ANKRD44: variants seen among roughly 807,000 people sequenced by gnomAD.
The protein encoded by ANKRD44 is serine/threonine-protein phosphatase 6 regulatory ankyrin repeat subunit B.
A neutral mutation model predicts 116.0 loss-of-function variants in ANKRD44; 35 were observed. The ratio of observed to expected loss-of-function variants is 0.30; its 90% CI spans 0.23 to 0.40. The LOEUF (loss-of-function observed/expected upper bound fraction) is 0.40, where lower values mean the gene tolerates loss of function less well. Ranked by LOEUF, ANKRD44 falls within the 10% of genes least tolerant of loss-of-function variation. The pLI is 1.00. For missense variants in ANKRD44, 1,014 were observed against 1,242.6 expected, an observed-to-expected ratio of 0.82 and a Z score of 2.77; for synonymous variants, 435 against 461.8, an observed-to-expected ratio of 0.94 and a Z score of 0.74.
At chr2:197,054,433 C>G (rs2077167059) in intron 16 of ANKRD44, among the ~76,000 whole-genome samples, 1 of 152,044 alleles carries the variant, frequency 6.6e-6, no homozygotes, top group Non-Finnish European at 1.5e-5. Flanking sequence ...AGAGCCATAC[C>G]ATACATTTAC....
At chr2:197,187,726 A>C (rs1031743294) in intron 1 of ANKRD44, among the ~76,000 whole-genome samples, 9 of 151,746 alleles carry the variant, frequency 5.9e-5, no homozygotes, top group African/African-American at 2.2e-4. Context: ...ACAGGAGGAA[A>C]GGCCATGTGA....
intron 2 of ANKRD44, among the ~76,000 whole-genome samples, chr2:197,170,902 G>A (rs984154463): frequency 2.0e-5 from 3 of 152,190 alleles, no homozygotes; most frequent in African/African-American, 7.2e-5. Context: ...GGGGCCGGGG[G>A]TGGTGGAGAT....
intron 1 of ANKRD44, among the ~76,000 whole-genome samples, chr2:197,210,814 T>C (rs1030902523): frequency 2.0e-5 from 3 of 152,126 alleles, no homozygotes; most frequent in Non-Finnish European, 2.9e-5. Context: ...CTGAGCACAG[T>C]GAATGAGAGG....
intron 16 of ANKRD44, among the ~76,000 whole-genome samples, chr2:197,060,467 T>G (rs2077287099): frequency 6.6e-6 from 1 of 152,236 alleles, no homozygotes; most frequent in African/African-American, 2.4e-5. Flanking sequence ...GTGTACATTG[T>G]GAAATGATTA....
downstream of ANKRD44, among the ~76,000 whole-genome samples, chr2:196,984,930 T>A (rs977169958): frequency 1.9e-4 from 29 of 152,320 alleles, no homozygotes; most frequent in Non-Finnish European, 3.1e-4. Flanking sequence ...TGAGTATAGA[T>A]TGGACTTAGT....
At chr2:197,043,820 A>T (rs985759323) in intron 16 of ANKRD44, among the ~76,000 whole-genome samples, 1 of 151,760 alleles carries the variant, frequency 6.6e-6, no homozygotes, top group African/African-American at 2.4e-5. Flanking sequence ...AATTTAGTGT[A>T]TGGATTAGGT....
chr2:197,054,445 G>A lies in ANKRD44; in HGVS notation c.1650+24258C>T, dbSNP rs376029284. On this transcript the variant is annotated intron_variant, in intron 16 of 27. Coordinates refer to ENST00000282272, the MANE Select transcript of ANKRD44 (RefSeq NM_001195144.2). ...GGCAGAGCCATACCATACATTTACAGATGTCACAATTGAAAGGAAACATGT... is the reference window on the plus strand; with the variant it reads ...GGCAGAGCCATACCATACATTTACAAATGTCACAATTGAAAGGAAACATGT... Among the ~76,000 whole-genome samples, 23 of 152,212 alleles carry A rather than the reference G, an allele frequency of 1.5e-4. No individual in the cohort carries two copies. In the South Asian group the frequency reaches 3.1e-3, roughly 21 times the overall value.
intron 2 of ANKRD44, among the ~76,000 whole-genome samples, chr2:197,174,851 A>C (rs964960967): frequency 6.6e-6 from 1 of 152,230 alleles, no homozygotes; most frequent in African/African-American, 2.4e-5. Context: ...TTAGAGGTTG[A>C]TTAAGGGTTG....
intron 1 of ANKRD44, among the ~76,000 whole-genome samples, chr2:197,273,980 A>ATATAT (rs1339525916): frequency 2.3e-5 from 1 of 43,930 alleles, no homozygotes; most frequent in African/African-American, 1.0e-4. Context: ...AAAAAAAAAA[A>ATATAT]ATATATATAT....
intron 1 of ANKRD44, among the ~76,000 whole-genome samples, chr2:197,309,857 T>C (rs1462560319): frequency 1.3e-5 from 2 of 152,006 alleles, no homozygotes; most frequent in Non-Finnish European, 2.9e-5. Flanking sequence ...ACCCCACCTC[T>C]CCAAGCCAGG....
chr2:197,180,654 T>G (rs2080480913), intron 2 of ANKRD44, among the ~76,000 whole-genome samples: 1 of 152,272 alleles, frequency 6.6e-6, no homozygotes, highest in East Asian at 1.9e-4. Flanking sequence ...GAAAAATACA[T>G]AAAAATCTAG....
At chr2:196,993,404 G>A (rs1164506463) in intron 27 of ANKRD44, among the ~76,000 whole-genome samples, 179 bp downstream of exon 27, 1 of 152,246 alleles carries the variant, frequency 6.6e-6, no homozygotes, top group Non-Finnish European at 1.5e-5. Flanking sequence ...GGTAGACTAT[G>A]TGATTTACAA....
At chr2:197,111,651 G>C (rs1391627609) in intron 8 of ANKRD44, among the ~76,000 whole-genome samples, 3 of 121,096 alleles carry the variant, frequency 2.5e-5, no homozygotes, top group African/African-American at 8.2e-5. Context: ...AAAAAAAAAA[G>C]AAAAGAAAAC....
Position 197,125,388 on chromosome 2 carries a change from T to A in ANKRD44, c.543A>T (p.Ala181=), listed in dbSNP as rs553491613. ...KKDRRALHWA[A]YMGHLDVVAL... ...CATGCATGGAATCCTTACCCATGTA[T>A]GCTGCCCAGTGCAGAGCACGCCGGT... Residue 181 remains alanine, a synonymous_variant, in exon 6 of 28, where the codon GCA becomes GCT. Coordinates refer to ENST00000282272, the MANE Select transcript of ANKRD44 (RefSeq NM_001195144.2). The A allele has an allele frequency of 1.9e-6, 3 of 1,614,168 alleles. No individual in the cohort carries two copies. The highest frequency in any genetic ancestry group is 4.5e-5 in the East Asian group (2 of 44,888).
At chr2:197,163,072 C>G (rs1478695673) in intron 2 of ANKRD44, among the ~76,000 whole-genome samples, 1 of 152,184 alleles carries the variant, frequency 6.6e-6, no homozygotes, top group Non-Finnish European at 1.5e-5. Context: ...AAGATAGCAA[C>G]CACCTCAGTC....
intron 16 of ANKRD44, among the ~76,000 whole-genome samples, chr2:197,031,430 A>G (rs1292282607): frequency 6.6e-6 from 1 of 152,214 alleles, no homozygotes; most frequent in Non-Finnish European, 1.5e-5. Context: ...TAGAGCCCCA[A>G]ACTTCTGGGC....
At chr2:197,054,849 GA>G (rs1372972804) in intron 16 of ANKRD44, among the ~76,000 whole-genome samples, 1 of 152,222 alleles carries the variant, frequency 6.6e-6, no homozygotes, top group Non-Finnish European at 1.5e-5. Context: ...AGAGGCCATA[GA>G]ATATGGGAGA....
At chr2:197,298,413 A>G (rs2083789730) in intron 1 of ANKRD44, among the ~76,000 whole-genome samples, 1 of 152,180 alleles carries the variant, frequency 6.6e-6, no homozygotes. Context: ...AGATGTGTGG[A>G]CCACACAACT....
At position 197,310,754 on chromosome 2, in the gene ANKRD44, G is replaced by GCCT; in HGVS notation, c.-153_-151dup. 1 of 718,168 alleles carries GCCT rather than the reference G, an allele frequency of 1.4e-6. No individual in the cohort carries two copies. 44.5% of individuals were successfully genotyped at this position (718,168 alleles called of 1,614,324 possible). A position where few individuals can be genotyped will look rare whatever the true frequency, so the allele number is the denominator to read the frequency against. On this transcript the variant is annotated 5_prime_UTR_variant, in exon 1 of 28. Transcript: ENST00000282272. ...CTCCCCCTGCTCCTCCTCCGCCGCC[G>GCCT]CCTCCTCCCGCCGAGAGGCTGACAC... is the stretch of plus-strand genomic sequence containing the variant.
Sources: gnomAD v4.1 joint callset for allele counts (sites outside exome capture counted in the v4.1 genomes callset) on GRCh38, gnomAD v4.1.1 for gene constraint, MANE v1.5 for transcripts, NCBI Gene and HGNC (gene_info 2026-07-23, HGNC 2026-07-21) for gene names.